Variants in TFB1M observed in about 807,000 individuals in gnomAD.
TFB1M encodes dimethyladenosine transferase 1, mitochondrial.
Under a neutral mutation model 31.1 loss-of-function variants are expected in TFB1M, and 27 were observed. The observed-to-expected ratio is 0.87, with a 90% CI of 0.64 to 1.20. The LOEUF (loss-of-function observed/expected upper bound fraction) is 1.20, where lower values mean the gene tolerates loss of function less well. TFB1M is among the 50% of genes most tolerant of loss of function. TFB1M has a pLI of 0.00. For synonymous variants in TFB1M, 166 were observed against 151.8 expected (o/e 1.09, Z -0.69); for missense variants, 394 against 418.7 (o/e 0.94, Z 0.51).
rs1454933474 is a variant in TFB1M at position 155,257,496 on chromosome 6, T to TGTTA, written c.*336_*339dup. 5.0e-5 allele frequency: 17 copies of TGTTA among 338,782 alleles called. No homozygotes were observed. Among genetic ancestry groups the TGTTA allele is most frequent in the Non-Finnish European group, 8.1e-5 (15 of 185,318 alleles). 21.0% of individuals were successfully genotyped at this position (338,782 alleles called of 1,614,324 possible). A position where few individuals can be genotyped will look rare whatever the true frequency, so the allele number is the denominator to read the frequency against. ...CTCTGGGCATTTTCTTTCAGCTGTT[T>TGTTA]GTTAGTTTTTGCTTTATTTAAAGCA... On this transcript the variant is annotated 3_prime_UTR_variant, in exon 7 of 7. Coordinates refer to ENST00000367166, the MANE Select transcript of TFB1M (RefSeq NM_016020.4).
chr6:155,234,437 C>T, the TFB1M span, among the ~76,000 whole-genome samples: 2 of 152,314 alleles, frequency 1.3e-5, no homozygotes, highest in South Asian at 4.2e-4. Flanking sequence ...GCCAGCTAAT[C>T]TTTTTATCTT....
At chr6:155,252,969 C>T (rs1783761198), downstream of TFB1M, 5 of 1,614,192 alleles carry the variant, frequency 3.1e-6, no homozygotes, top group East Asian at 4.5e-5. Context: ...CCGGCCTGCA[C>T]ACAACTCTAC....
chr6:155,299,091 C>T (rs1430685911), intron 2 of TFB1M, among the ~76,000 whole-genome samples: 1 of 152,080 alleles, frequency 6.6e-6, no homozygotes, highest in Non-Finnish European at 1.5e-5. Context: ...AGTCACCTGT[C>T]GATGCCAGTC....
the TFB1M span, chr6:155,250,777 A>G: frequency 8.9e-7 from 1 of 1,119,358 alleles, no homozygotes; most frequent in Non-Finnish European, 1.3e-6. Flanking sequence ...TTAAGGCCCC[A>G]TGTTTACAGG....
At chr6:155,278,692 T>C (rs549395485) in intron 5 of TFB1M, among the ~76,000 whole-genome samples, 2 of 152,290 alleles carry the variant, frequency 1.3e-5, no homozygotes, top group East Asian at 3.9e-4. Context: ...AGTGGGGAGA[T>C]GGTTCCAACC....
intron 2 of TFB1M, among the ~76,000 whole-genome samples, chr6:155,310,308 C>T (rs1777960215): frequency 6.6e-6 from 1 of 152,098 alleles, no homozygotes; most frequent in Non-Finnish European, 1.5e-5. Flanking sequence ...GAATCAAAGG[C>T]CTTTAAGACA....
chr6:155,249,954 C>T, the TFB1M span: 20 of 1,613,040 alleles, frequency 1.2e-5, no homozygotes, highest in Admixed American at 5.0e-5. Flanking sequence ...CTGAGCAGAG[C>T]GGAACAGAGA....
chr6:155,253,265 TTTCA>T, downstream of TFB1M: 2 of 508,250 alleles, frequency 3.9e-6, no homozygotes, highest in South Asian at 3.5e-5. Context: ...GCCAAATGCC[TTTCA>T]TTGTTTCCTT....
intron 3 of TFB1M, among the ~76,000 whole-genome samples, chr6:155,297,353 G>A (rs1486423584): frequency 2.0e-5 from 3 of 152,054 alleles, no homozygotes; most frequent in Admixed American, 6.5e-5. Flanking sequence ...TGAATTTCTG[G>A]CCTAGGAAAT....
chr6:155,234,039 A>G, the TFB1M span, among the ~76,000 whole-genome samples: 1 of 151,834 alleles, frequency 6.6e-6, no homozygotes, highest in Non-Finnish European at 1.5e-5. Context: ...TTGCTTTTCC[A>G]GATAGCATAA....
At chr6:155,240,532 T>G in the TFB1M span, 1 of 1,609,454 alleles carries the variant, frequency 6.2e-7, no homozygotes, top group Non-Finnish European at 8.5e-7. Context: ...TCTCTCAGAG[T>G]GCTGAGCAGA....
At chr6:155,252,944 A>C (rs978207299), downstream of TFB1M, 5 of 1,613,586 alleles carry the variant, frequency 3.1e-6, no homozygotes, top group Non-Finnish European at 4.2e-6. Context: ...CCTTCATGTT[A>C]CAGCCCTCGA....
chr6:155,265,736 ATT>A (rs1311841787), intron 5 of TFB1M, among the ~76,000 whole-genome samples: 1 of 140,706 alleles, frequency 7.1e-6, no homozygotes, highest in African/African-American at 2.7e-5. Context: ...ATAAATATAT[ATT>A]ATATATAATA....
intron 4 of TFB1M, among the ~76,000 whole-genome samples, chr6:155,287,193 A>G (rs1776697374): frequency 2.0e-5 from 3 of 152,140 alleles, no homozygotes; most frequent in Admixed American, 2.0e-4. Context: ...CTAGTGAGAG[A>G]GGAAATCTGT....
the TFB1M span, chr6:155,244,055 T>G: frequency 1.2e-6 from 2 of 1,614,128 alleles, no homozygotes; most frequent in Non-Finnish European, 1.7e-6. Context: ...CACTTCAGAA[T>G]GAGACCTTTC....
rs772803602 is a variant in TFB1M, at chr6:155,256,693, A to AATC, written c.*1140_*1142dup. 9 of 1,614,076 alleles carry AATC rather than the reference A, an allele frequency of 5.6e-6. No homozygotes were observed. The highest frequency in any genetic ancestry group is 1.6e-4 in the Middle Eastern group (1 of 6,084). On this transcript the variant is annotated 3_prime_UTR_variant, in exon 7 of 7. Transcript: ENST00000367166. The stretch of plus-strand genomic sequence containing the variant: ...CCCCGGCTTGGCAGATTTTGCCGAC[A>AATC]ATCTCATCAAAGAGAGTGACATCCT...
At chr6:155,250,327 G>A in the TFB1M span, among the ~76,000 whole-genome samples, 1 of 149,448 alleles carries the variant, frequency 6.7e-6, no homozygotes, top group African/African-American at 2.5e-5. Flanking sequence ...AAATATTGGT[G>A]GTTACCTGCT....
In TFB1M at chr6:155,275,827, G is replaced by C. The variant is rs1785168462; in HGVS notation, c.666+9331C>G. On this transcript the variant is annotated intron_variant, in intron 5 of 6. Transcript: ENST00000367166. ...CCAACTGGAAGGTGAATGTGGATGT[G>C]GACTCCAACATCATAACAGCCATTG... is the stretch of plus-strand genomic sequence containing the variant. The C allele has an allele frequency of 3.1e-6, 5 of 1,613,862 alleles. No individual in the cohort carries two copies. In the South Asian group the frequency reaches 5.5e-5, roughly 18 times the overall value.
In TFB1M at chr6:155,311,258, G is replaced by A. The variant is rs992421185; in HGVS notation, c.215C>T (p.Ser72Phe). ...TTCAGCGACGTCGGCATTAAGAATA[G>A]ATCTTGTGATTCCCCCTGGCCCAGG... ...VGPGPGGITRSILNADVAELL... is the reference protein window; with the variant it reads ...VGPGPGGITRFILNADVAELL... Residue 72 changes from serine (S) to phenylalanine (F), a missense_variant, in exon 2 of 7, where the codon TCT (serine) becomes TTT (phenylalanine). By Grantham distance (155) the Ser-to-Phe change is radical. Coordinates refer to ENST00000367166, the MANE Select transcript of TFB1M (RefSeq NM_016020.4). 10 of 1,613,928 alleles carry A rather than the reference G, an allele frequency of 6.2e-6. No homozygotes were observed. The highest frequency in any genetic ancestry group is 7.6e-6 in the Non-Finnish European group (9 of 1,179,924).
Sources: allele counts gnomAD v4.1 joint callset (sites outside exome capture counted in the v4.1 genomes callset), GRCh38; gene constraint gnomAD v4.1.1; transcripts MANE v1.5; gene names NCBI Gene and HGNC (gene_info 2026-07-23, HGNC 2026-07-21).